Variants in UNC5D observed in about 807,000 individuals in gnomAD.
UNC5D encodes the protein netrin receptor UNC5D.
A neutral mutation model predicts 105.4 loss-of-function variants in UNC5D; 39 were observed. The observed-to-expected ratio is 0.37, with a 90% CI of 0.29 to 0.48. UNC5D has a LOEUF of 0.48. Among genes scored for constraint, UNC5D ranks in the 20% least tolerant of loss-of-function variants. The pLI, the probability that UNC5D is intolerant of heterozygous loss-of-function variation, is 0.98. For missense variants in UNC5D, 991 were observed against 1,202.4 expected, an observed-to-expected ratio of 0.82 and a Z score of 2.60; for synonymous variants, 452 against 450.4, an observed-to-expected ratio of 1.00 and a Z score of -0.04.
intron 3 of UNC5D, among the ~76,000 whole-genome samples, chr8:35,583,445 C>T (rs1028712966): frequency 6.6e-6 from 1 of 152,084 alleles, no homozygotes; most frequent in African/African-American, 2.4e-5. Flanking sequence ...TGCTTGGGAA[C>T]TGAGCAGCCT....
In UNC5D at chr8:35,387,085, A is replaced by G. The variant is rs187535487; in HGVS notation, c.103+151198A>G. On this transcript the variant is annotated intron_variant, in intron 1 of 16. Transcript: ENST00000404895. ...TTAGAAATGCAGATTCTCAGGCCGG[A>G]CGCAGTGGCTCACACCTGTAATCCC... Among the ~76,000 whole-genome samples the G allele has an allele frequency of 1.3e-3, 190 of 151,636 alleles. 5 individuals are homozygous for G. In the East Asian group the frequency reaches 0.033, roughly 26 times the overall value.
At chr8:35,278,300 T>A (rs1044096571) in intron 1 of UNC5D, among the ~76,000 whole-genome samples, 5 of 152,200 alleles carry the variant, frequency 3.3e-5, no homozygotes, top group Middle Eastern at 3.2e-3. Flanking sequence ...AGTAGTGAGC[T>A]GGGATCACTT....
chr8:35,299,935 C>T (rs529314349), intron 1 of UNC5D, among the ~76,000 whole-genome samples: 1 of 152,058 alleles, frequency 6.6e-6, no homozygotes. Context: ...AAGGGTTACT[C>T]TGAGATATTC....
intron 1 of UNC5D, among the ~76,000 whole-genome samples, chr8:35,413,257 CTG>C (rs1183992855): frequency 1.4e-4 from 18 of 130,116 alleles, no homozygotes; most frequent in African/African-American, 5.1e-4. Flanking sequence ...GGGGGCGGGT[CTG>C]TGTGTGTGTG....
At chr8:35,504,335 A>G (rs1812173564) in intron 1 of UNC5D, among the ~76,000 whole-genome samples, 1 of 152,182 alleles carries the variant, frequency 6.6e-6, no homozygotes, top group Non-Finnish European at 1.5e-5. Flanking sequence ...AGGCTAATTA[A>G]AAGAGTTAAT....
intron 1 of UNC5D, among the ~76,000 whole-genome samples, chr8:35,313,851 C>T (rs1456676399): frequency 1.3e-5 from 2 of 152,140 alleles, no homozygotes; most frequent in Admixed American, 1.3e-4. Flanking sequence ...AAGCTTAGAG[C>T]AGTGTGTGAC....
chr8:35,658,934 C>T (rs193301185), intron 4 of UNC5D, among the ~76,000 whole-genome samples: 2 of 152,102 alleles, frequency 1.3e-5, no homozygotes, highest in East Asian at 1.9e-4. Flanking sequence ...GGATTACAAG[C>T]GTGAGCCACC....
At chr8:35,561,122 C>G (rs369767922) in intron 2 of UNC5D, among the ~76,000 whole-genome samples, 269 of 152,292 alleles carry the variant, frequency 1.8e-3, no homozygotes, top group African/African-American at 6.2e-3. Flanking sequence ...GATCAAACAA[C>G]TTGCCTGTGA....
chr8:35,662,624 C>T (rs976808382), intron 4 of UNC5D, among the ~76,000 whole-genome samples: 4 of 152,184 alleles, frequency 2.6e-5, no homozygotes, highest in African/African-American at 9.7e-5. Flanking sequence ...AAATGTATTG[C>T]ACCCCACTAA....
At chr8:35,266,373 A>G (rs549627328) in intron 1 of UNC5D, among the ~76,000 whole-genome samples, 1 of 152,320 alleles carries the variant, frequency 6.6e-6, no homozygotes, top group African/African-American at 2.4e-5. Context: ...ATACTGTTGA[A>G]CCATATATAG....
At chr8:35,705,849 A>G in intron 7 of UNC5D, 80 bp from the exon 8 acceptor site, 2 of 873,608 alleles carry the variant, frequency 2.3e-6, no homozygotes, top group South Asian at 1.6e-5. Flanking sequence ...AGAGGTAGAT[A>G]TAAAGTGAAA....
At chr8:35,562,185 T>TTTG (rs2130757609) in intron 2 of UNC5D, among the ~76,000 whole-genome samples, 1 of 152,326 alleles carries the variant, frequency 6.6e-6, no homozygotes, top group African/African-American at 2.4e-5. Flanking sequence ...TTCATGTTGC[T>TTTG]ACAAATGACA....
chr8:35,739,072 G>A (rs548397216), intron 11 of UNC5D, among the ~76,000 whole-genome samples: 5 of 152,162 alleles, frequency 3.3e-5, no homozygotes, highest in Non-Finnish European at 7.3e-5. Context: ...GTTAATGCAA[G>A]GGGGAGTAAA....
intron 1 of UNC5D, among the ~76,000 whole-genome samples, chr8:35,249,033 AAT>A (rs1402400913): frequency 8.9e-4 from 21 of 23,648 alleles, no homozygotes; most frequent in East Asian, 0.1. Context: ...ATGTTTATAT[AAT>A]ATATATTATA....
At chr8:35,461,090 C>T (rs1342396505) in intron 1 of UNC5D, among the ~76,000 whole-genome samples, 1 of 152,178 alleles carries the variant, frequency 6.6e-6, no homozygotes, top group Admixed American at 6.5e-5. Context: ...TCTGGTGGCT[C>T]TGTGGACATA....
intron 1 of UNC5D, among the ~76,000 whole-genome samples, chr8:35,324,089 G>A (rs1809958563): frequency 6.6e-6 from 1 of 151,740 alleles, no homozygotes; most frequent in African/African-American, 2.4e-5. Context: ...AATTAGCCAG[G>A]CGTGGTGGCA....
At chr8:35,555,132 C>T (rs115381202) in intron 2 of UNC5D, among the ~76,000 whole-genome samples, 1,819 of 152,278 alleles carry the variant, frequency 0.012, 37 homozygotes, top group African/African-American at 0.041. Context: ...GGCCACATAG[C>T]ACAGAAATAA....
chr8:35,765,488 G>A (rs977957524), intron 14 of UNC5D, among the ~76,000 whole-genome samples: 2 of 152,240 alleles, frequency 1.3e-5, no homozygotes, highest in African/African-American at 2.4e-5. Context: ...TAAGATGCAT[G>A]GTAGAATATT....
At chr8:35,348,225 T>C (rs188915094) in intron 1 of UNC5D, among the ~76,000 whole-genome samples, 1 of 152,014 alleles carries the variant, frequency 6.6e-6, no homozygotes, top group Non-Finnish European at 1.5e-5. Flanking sequence ...GGTGTTGTTT[T>C]ACCAAAAAAA....
Sources: allele counts gnomAD v4.1 joint callset (sites outside exome capture counted in the v4.1 genomes callset), GRCh38; gene constraint gnomAD v4.1.1; transcripts MANE v1.5; gene names NCBI Gene and HGNC (gene_info 2026-07-23, HGNC 2026-07-21).